RGS7: variants seen among roughly 807,000 people sequenced by gnomAD.
RGS7 encodes the protein regulator of G-protein signaling 7.
In RGS7, 27 loss-of-function variants were observed where a neutral mutation model predicts 81.1. The ratio of observed to expected loss-of-function variants is 0.33; its 90% CI spans 0.25 to 0.46. The LOEUF (loss-of-function observed/expected upper bound fraction) is 0.46. Among genes scored for constraint, RGS7 ranks in the 20% least tolerant of loss-of-function variants. The probability of loss-of-function intolerance (pLI) is 1.00; values close to 1 mark genes in which losing one functional copy is unlikely to be tolerated. For missense variants in RGS7, 396 were observed against 607.4 expected, an observed-to-expected ratio of 0.65 and a Z score of 3.66; for synonymous variants, 208 against 207.7, an observed-to-expected ratio of 1.00 and a Z score of -0.01.
chr1:241,058,280 C>T (rs2061573677), intron 3 of RGS7, among the ~76,000 whole-genome samples: 1 of 152,188 alleles, frequency 6.6e-6, no homozygotes, highest in South Asian at 2.1e-4. Flanking sequence ...CTAGTAAACA[C>T]ACTGCCCATG....
At chr1:240,831,804 T>A (rs1693903909) in intron 9 of RGS7, among the ~76,000 whole-genome samples, 1 of 151,890 alleles carries the variant, frequency 6.6e-6, no homozygotes, top group Admixed American at 6.6e-5. Context: ...CCCAGCTAAT[T>A]TTTTGTATTT....
At chr1:241,253,352 G>A (rs2148227772) in intron 2 of RGS7, among the ~76,000 whole-genome samples, 1 of 152,286 alleles carries the variant, frequency 6.6e-6, no homozygotes, top group African/African-American at 2.4e-5. Flanking sequence ...TCCATACTGT[G>A]GGGTTTTATT....
intron 2 of RGS7, among the ~76,000 whole-genome samples, chr1:241,170,538 CAT>C (rs755042504): frequency 1.1e-4 from 16 of 152,250 alleles, no homozygotes; most frequent in South Asian, 2.1e-4. Context: ...TTTTTATAAA[CAT>C]ATATTATAAA....
chr1:241,014,126 T>G (rs1029545754), intron 3 of RGS7, among the ~76,000 whole-genome samples: 1 of 152,238 alleles, frequency 6.6e-6, no homozygotes, highest in Non-Finnish European at 1.5e-5. Context: ...AATATCAGAT[T>G]CACATGACCA....
At chr1:240,887,082 G>C (rs964929221) in intron 6 of RGS7, among the ~76,000 whole-genome samples, 2 of 152,104 alleles carry the variant, frequency 1.3e-5, no homozygotes, top group Non-Finnish European at 2.9e-5. Context: ...AGAGTTCTGT[G>C]TTAACTACAG....
At chr1:240,831,628 T>A (rs12036599) in intron 9 of RGS7, among the ~76,000 whole-genome samples, 57,252 of 147,784 alleles carry the variant, frequency 0.39, 12,465 homozygotes, top group East Asian at 0.5. Context: ...ATTCCAGACA[T>A]CCTTTTTTTT....
At chr1:240,783,604 CG>C (rs1281718096) in intron 18 of RGS7, among the ~76,000 whole-genome samples, 1 of 151,318 alleles carries the variant, frequency 6.6e-6, no homozygotes, top group Non-Finnish European at 1.5e-5. Flanking sequence ...GTCTGGGTGA[CG>C]GAGCGAGACT....
At chr1:241,079,343 G>A (rs1045324888) in intron 3 of RGS7, among the ~76,000 whole-genome samples, 2 of 152,162 alleles carry the variant, frequency 1.3e-5, no homozygotes, top group Non-Finnish European at 2.9e-5. Context: ...TAAAGAGGAC[G>A]CAAATTGAAA....
At chr1:241,065,486 T>C (rs1460088145) in intron 3 of RGS7, among the ~76,000 whole-genome samples, 1 of 152,110 alleles carries the variant, frequency 6.6e-6, no homozygotes, top group Admixed American at 6.6e-5. Context: ...CCTTATGTTG[T>C]AGGAAACACC....
intron 2 of RGS7, among the ~76,000 whole-genome samples, chr1:241,115,061 GTAACCAATCAT>G (rs1178528505): frequency 6.6e-6 from 1 of 152,184 alleles, no homozygotes; most frequent in Non-Finnish European, 1.5e-5. Context: ...AAAACAAACT[GTAACCAATCAT>G]TACATTGCTG....
intron 10 of RGS7, among the ~76,000 whole-genome samples, chr1:240,820,289 T>C (rs770440039): frequency 2.0e-5 from 3 of 152,190 alleles, no homozygotes; most frequent in Non-Finnish European, 4.4e-5. Context: ...TTGCAATGCT[T>C]TGGCTTGATT....
rs182895060 is a variant in RGS7 at position 241,108,163 on chromosome 1, G to C, written c.79-9401C>G. Among the ~76,000 whole-genome samples, 591 of 152,114 alleles carry C rather than the reference G, an allele frequency of 3.9e-3. 2 individuals carry two copies. Among genetic ancestry groups the C allele is most frequent in the African/African-American group, 0.014 (576 of 41,484 alleles). On this transcript the variant is annotated intron_variant, in intron 2 of 18. Transcript: ENST00000440928. ...TACTAAAAATACAAAAAGTAGCTGG[G>C]CGTAGTGACGCGCGCCTGTAATCCC...
At chr1:240,989,669 G>A (rs1686178263) in intron 3 of RGS7, among the ~76,000 whole-genome samples, 1 of 152,004 alleles carries the variant, frequency 6.6e-6, no homozygotes. Flanking sequence ...TGTTCCTGGT[G>A]GTTTTGGGCT....
chr1:241,336,759 A>T (rs1290860897), intron 2 of RGS7, among the ~76,000 whole-genome samples: 1 of 152,222 alleles, frequency 6.6e-6, no homozygotes, highest in Non-Finnish European at 1.5e-5. Flanking sequence ...AAAACGCCTT[A>T]TTGCTTGCAT....
chr1:241,298,922 A>C (rs1170170016), intron 2 of RGS7, among the ~76,000 whole-genome samples: 1 of 152,176 alleles, frequency 6.6e-6, no homozygotes, highest in African/African-American at 2.4e-5. Context: ...CTAGAGAAAA[A>C]AAATACAAAA....
At chr1:241,255,372 G>T (rs1345766675) in intron 2 of RGS7, among the ~76,000 whole-genome samples, 2 of 152,214 alleles carry the variant, frequency 1.3e-5, no homozygotes, top group Non-Finnish European at 2.9e-5. Context: ...ATCATTGACA[G>T]GTGTAGTTAG....
intron 9 of RGS7, among the ~76,000 whole-genome samples, chr1:240,836,835 T>C: frequency 6.6e-6 from 1 of 152,212 alleles, no homozygotes; most frequent in East Asian, 1.9e-4. Context: ...TCCTGAGAAT[T>C]TGGTGGAGCT....
chr1:241,233,484 G>C (rs2075774060), intron 2 of RGS7, among the ~76,000 whole-genome samples: 1 of 152,162 alleles, frequency 6.6e-6, no homozygotes, highest in African/African-American at 2.4e-5. Flanking sequence ...GAAATCATGG[G>C]ATATTTGTCT....
chr1:240,956,398 A>AC (rs397768681), intron 4 of RGS7, among the ~76,000 whole-genome samples: 21 of 151,376 alleles, frequency 1.4e-4, no homozygotes, highest in Non-Finnish European at 2.7e-4. Flanking sequence ...CAAAAAAAAA[A>AC]CCCACTATGG....
Sources: allele counts gnomAD v4.1 joint callset (sites outside exome capture counted in the v4.1 genomes callset), GRCh38; gene constraint gnomAD v4.1.1; transcripts MANE v1.5; gene names NCBI Gene and HGNC (gene_info 2026-07-23, HGNC 2026-07-21).